IFNLR1: variants seen among roughly 807,000 people sequenced by gnomAD.
IFNLR1 encodes the protein interferon lambda receptor 1.
IFNLR1 carries 28 observed loss-of-function variants against 52.5 expected under a neutral mutation model. The ratio of observed to expected loss-of-function variants is 0.53; its 90% CI spans 0.40 to 0.73. The LOEUF (loss-of-function observed/expected upper bound fraction) is 0.73. Ranked by LOEUF, IFNLR1 falls within the 30% of genes least tolerant of loss-of-function variation. IFNLR1 has a pLI of 0.00. For synonymous variants in IFNLR1, 276 were observed against 274.9 expected, an observed-to-expected ratio of 1.00 and a Z score of -0.04; for missense variants, 623 against 659.1, an observed-to-expected ratio of 0.95 and a Z score of 0.60.
intron 2 of IFNLR1, among the ~76,000 whole-genome samples, chr1:24,170,821 G>A (rs1436203851): frequency 6.6e-6 from 1 of 152,228 alleles, no homozygotes; most frequent in Non-Finnish European, 1.5e-5. Context: ...GATGTAGAAT[G>A]TGGGGAAAAG....
chr1:24,157,107 T>C lies in IFNLR1; in HGVS notation c.*23A>G. 6.3e-7 allele frequency: 1 copy of C among 1,582,714 alleles called. No homozygotes were observed. On this transcript the variant is annotated 3_prime_UTR_variant, in exon 7 of 7. Transcript: ENST00000327535. The surrounding 1 kb of genome is among the most constrained non-coding windows in gnomAD (Gnocchi z 5.1). Reference sequence around the variant, plus strand: ...TGCAAAGGCAGCAGCAGCATCAGATTCGGTGGGATGTCGGGGGACAGCTCA... The same window carrying C: ...TGCAAAGGCAGCAGCAGCATCAGATCCGGTGGGATGTCGGGGGACAGCTCA...
At chr1:24,185,778 T>C (rs4487974) in intron 1 of IFNLR1, among the ~76,000 whole-genome samples, 152,004 of 152,354 alleles carry the variant, frequency 1, 75,827 homozygotes, top group East Asian at 1. Context: ...AAAACAGCAG[T>C]TAGAGCAACT....
At position 24,182,187 on chromosome 1, in the gene IFNLR1, G is replaced by A. The variant is rs534789982; in HGVS notation, c.59-1333C>T. 3.7e-4 allele frequency among the ~76,000 whole-genome samples: 50 copies of A among 134,340 alleles called. No homozygotes were observed. In the South Asian group the frequency reaches 0.012, roughly 33 times the overall value. The allele number at this position is 134,340 out of a possible 152,430, so 88.1% of individuals were successfully genotyped here. The stretch of plus-strand genomic sequence containing the variant: ...TGCATTCCAGCCTGGGCAACAGGGC[G>A]AGACTCCATTCCAAAAAAAAAAAAA... On this transcript the variant is annotated intron_variant, in intron 1 of 6. Transcript: ENST00000327535.
intron 2 of IFNLR1, among the ~76,000 whole-genome samples, chr1:24,176,736 TAGAC>T: frequency 6.6e-6 from 1 of 152,074 alleles, no homozygotes. Context: ...AGTAGATAGA[TAGAC>T]AGATAAAAGG....
intron 2 of IFNLR1, among the ~76,000 whole-genome samples, chr1:24,177,734 A>G (rs1489990491): frequency 6.6e-6 from 1 of 152,216 alleles, no homozygotes; most frequent in Non-Finnish European, 1.5e-5. Context: ...GTTGACACCT[A>G]ATATTGACCA....
Position 24,155,827 on chromosome 1 carries a change from C to T in IFNLR1, c.*1303G>A, listed in dbSNP as rs1569611436. ...ATACTCCACCACAAAACACTTCGGT[C>T]CTACGGGTGAAAACTCAGCTACGCT... On this transcript the variant is annotated 3_prime_UTR_variant, in exon 7 of 7. Transcript: ENST00000327535. 1 of 152,206 alleles carries T rather than the reference C, an allele frequency of 6.6e-6. No individual in the cohort carries two copies. The highest frequency in any genetic ancestry group is 1.9e-4 in the East Asian group (1 of 5,194). 9.4% of individuals were successfully genotyped at this position (152,206 alleles called of 1,614,324 possible). A position where few individuals can be genotyped will look rare whatever the true frequency, so the allele number is the denominator to read the frequency against.
intron 1 of IFNLR1, among the ~76,000 whole-genome samples, chr1:24,181,826 G>A (rs151091609): frequency 3.9e-5 from 6 of 152,128 alleles, no homozygotes; most frequent in South Asian, 2.1e-4. Context: ...TCACAGGGAC[G>A]TCTGCCAGTA....
chr1:24,172,892 T>C (rs183481076), intron 2 of IFNLR1, among the ~76,000 whole-genome samples: 77 of 152,222 alleles, frequency 5.1e-4, no homozygotes, highest in African/African-American at 1.8e-3. Context: ...CACAAGGCCG[T>C]TCTTCTGTGT....
intron 1 of IFNLR1, among the ~76,000 whole-genome samples, chr1:24,184,736 A>C (rs1049875654): frequency 1.3e-5 from 2 of 152,208 alleles, no homozygotes; most frequent in Non-Finnish European, 2.9e-5. Flanking sequence ...ATAGCAGCTA[A>C]GGCCGGGCAT....
At chr1:24,162,111 A>G (rs1267275266) in intron 3 of IFNLR1, among the ~76,000 whole-genome samples, 1 of 152,242 alleles carries the variant, frequency 6.6e-6, no homozygotes, top group African/African-American at 2.4e-5. Context: ...TCAGAAGTCC[A>G]GGTGGGCTCA....
rs148521759 is a variant in IFNLR1, at chr1:24,161,641, C to G, written c.411G>C (p.Glu137Asp). Reference protein sequence around the residue: ...PPVLVLTQTEEILSANATYQL... With the variant: ...PPVLVLTQTEDILSANATYQL... ...GGTACGTGGCATTGGCACTCAGGAT[C>G]TCCTCCGTCTGGGTGAGCACCAGGA... Residue 137 changes from glutamate to aspartate, a missense_variant, in exon 4 of 7, where the codon GAG becomes GAC. Transcript: ENST00000327535. 6.5e-7 allele frequency: 1 copy of G among 1,541,274 alleles called. No individual in the cohort carries two copies. The highest frequency in any genetic ancestry group is 8.8e-7 in the Non-Finnish European group (1 of 1,141,084).
intron 1 of IFNLR1, among the ~76,000 whole-genome samples, chr1:24,185,801 G>A (rs1329487995): frequency 3.3e-5 from 5 of 152,208 alleles, no homozygotes; most frequent in Non-Finnish European, 7.3e-5. Context: ...CCTCTATGAA[G>A]CCTTCAAAGG....
chr1:24,162,219 C>A (rs902953243), intron 3 of IFNLR1, among the ~76,000 whole-genome samples: 1 of 152,168 alleles, frequency 6.6e-6, no homozygotes, highest in Non-Finnish European at 1.5e-5. Flanking sequence ...TTCTTTGTGG[C>A]TGTAGGGCTG....
chr1:24,176,453 A>T (rs1401163296), intron 2 of IFNLR1, among the ~76,000 whole-genome samples: 1 of 152,224 alleles, frequency 6.6e-6, no homozygotes, highest in Non-Finnish European at 1.5e-5. Flanking sequence ...CAAATTGTAT[A>T]CTTTAAAATG....
At chr1:24,169,340 C>A (rs1204679004) in intron 3 of IFNLR1, 77 bp downstream of exon 3, 7 of 1,368,122 alleles carry the variant, frequency 5.1e-6, no homozygotes, top group East Asian at 4.7e-5. Context: ...GTCAGGAGAA[C>A]AGAACCACTG....
intron 1 of IFNLR1, among the ~76,000 whole-genome samples, chr1:24,185,654 C>A (rs889366445): frequency 6.6e-6 from 1 of 152,200 alleles, no homozygotes; most frequent in Non-Finnish European, 1.5e-5. Context: ...ATTACTACTC[C>A]CAGCTTCTGG....
intron 3 of IFNLR1, among the ~76,000 whole-genome samples, chr1:24,162,796 CTTTCTTTT>C (rs1557644024): frequency 0.022 from 1,716 of 78,564 alleles, 179 homozygotes; most frequent in Non-Finnish European, 0.027. Context: ...CTTTTTCTTT[CTTTCTTTT>C]TTCTTTCTTT....
intron 4 of IFNLR1, chr1:24,161,256 A>C: frequency 1.7e-6 from 1 of 573,948 alleles, no homozygotes; most frequent in Non-Finnish European, 3.1e-6. Context: ...TTGGATATAC[A>C]CCAGAGTGAT....
In IFNLR1 at chr1:24,161,286, C is replaced by T. The variant is rs1569632956; in HGVS notation, c.510+256G>A. ...AGTGATGTGTGGTCATCTCTGGGTA[C>T]TTTTGGTCTGCTTCTTAGAGCTTAT... On this transcript the variant is annotated intron_variant, in intron 4 of 6. Transcript: ENST00000327535. The T allele has an allele frequency of 8.5e-6, 5 of 589,284 alleles. No individual in the cohort carries two copies. In the East Asian group the frequency reaches 1.4e-4, roughly 17 times the overall value. 36.5% of individuals were successfully genotyped at this position (589,284 alleles called of 1,614,324 possible).
Sources: allele counts gnomAD v4.1 joint callset (sites outside exome capture counted in the v4.1 genomes callset), GRCh38; gene constraint gnomAD v4.1.1; non-coding constraint Gnocchi (gnomAD v3.1); transcripts MANE v1.5; gene names NCBI Gene and HGNC (gene_info 2026-07-23, HGNC 2026-07-21).